SPATA25: variants seen among roughly 807,000 people sequenced by gnomAD.
The protein encoded by SPATA25 is spermatogenesis-associated protein 25.
A neutral mutation model predicts 16.0 loss-of-function variants in SPATA25; 16 were observed. The ratio of observed to expected loss-of-function variants is 1.00; its 90% confidence interval spans 0.68 to 1.52. The LOEUF (loss-of-function observed/expected upper bound fraction) is 1.52. Among genes scored for constraint, SPATA25 ranks in the 40% most tolerant of loss-of-function variants. The probability of loss-of-function intolerance (pLI) is 0.00; values close to 1 mark genes in which losing one functional copy is unlikely to be tolerated. For missense variants in SPATA25, 285 were observed against 289.2 expected, an observed-to-expected ratio of 0.99 and a Z score of 0.11; for synonymous variants, 115 against 118.5, an observed-to-expected ratio of 0.97 and a Z score of 0.19.
upstream of SPATA25, among the ~76,000 whole-genome samples, chr20:45,889,544 G>A (rs112603940): frequency 0.011 from 1,733 of 151,922 alleles, 43 homozygotes; most frequent in African/African-American, 0.04. Flanking sequence ...GTACAGATGG[G>A]GTCTCACTTT....
chr20:45,890,815 C>T (rs372809337), upstream of SPATA25: 13 of 1,575,994 alleles, frequency 8.2e-6, no homozygotes, highest in African/African-American at 1.8e-4. Context: ...CCGGGGCCAG[C>T]GGCTCGCGGC....
chr20:45,890,474 T>C, upstream of SPATA25: 1 of 1,600,772 alleles, frequency 6.2e-7, no homozygotes, highest in Non-Finnish European at 8.5e-7. Context: ...ATAGAGCTGG[T>C]CCAAGAGATG....
chr20:45,890,084 G>T, upstream of SPATA25: 2 of 710,260 alleles, frequency 2.8e-6, no homozygotes, highest in Non-Finnish European at 4.7e-6. Flanking sequence ...CCAAAACCAT[G>T]TAGAGGCTTG....
chr20:45,890,688 G>T (rs1326845492), upstream of SPATA25: 1 of 1,613,756 alleles, frequency 6.2e-7, no homozygotes, highest in South Asian at 1.1e-5. Flanking sequence ...ACCAGATCGG[G>T]CAGAGAAAAC....
upstream of SPATA25, chr20:45,888,897 G>A (rs758354963): frequency 1.2e-6 from 2 of 1,613,640 alleles, no homozygotes; most frequent in South Asian, 2.2e-5. Context: ...ACTGTGAAAG[G>A]CAAACTGAAC....
upstream of SPATA25, chr20:45,890,277 C>A: frequency 1.2e-6 from 2 of 1,613,766 alleles, no homozygotes; most frequent in South Asian, 1.1e-5. Flanking sequence ...ACAAGGCGCA[C>A]GCTCTTTGTG....
In SPATA25 at chr20:45,886,498, C is replaced by G; in HGVS notation, c.*19G>C. 2 of 1,546,054 alleles carry G rather than the reference C, an allele frequency of 1.3e-6. No homozygotes were observed. Among genetic ancestry groups the G allele is most frequent in the East Asian group, 2.3e-5 (1 of 44,114 alleles). ...CATACGGAGAAACCACCCTACATAT[C>G]TGGTGCTATTTCATCCATCTACAAG... On this transcript the variant is annotated 3_prime_UTR_variant, in exon 2 of 2. Coordinates refer to ENST00000372519, the MANE Select transcript of SPATA25 (RefSeq NM_080608.4).
upstream of SPATA25, chr20:45,890,553 G>A: frequency 6.2e-7 from 1 of 1,611,532 alleles, no homozygotes; most frequent in Non-Finnish European, 8.5e-7. Flanking sequence ...TCAATGCGCA[G>A]ATATGGTTCC....
At position 45,886,803 on chromosome 20, in the gene SPATA25, C is replaced by A; in HGVS notation, c.398G>T (p.Arg133Leu). 11 of 1,613,926 alleles carry A rather than the reference C, an allele frequency of 6.8e-6. No homozygotes were observed. Among genetic ancestry groups the A allele is most frequent in the Non-Finnish European group, 9.3e-6 (11 of 1,180,040 alleles). The change falls in exon 2 of 2, where the codon CGG (arginine) becomes CTG (leucine). Residue 133 changes from arginine (R) to leucine (L), a missense_variant. Physicochemically the swap from Arg to Leu is moderately radical, Grantham distance 102 (BLOSUM62 -2). Coordinates refer to ENST00000372519, the MANE Select transcript of SPATA25 (RefSeq NM_080608.4). ...TGCCTCAGAGGGTACCGGTAGAACC[C>A]GTGGTGACAGCCCACACAGCATCAG... The part of the protein sequence containing the change: ...RPLMLCGLSP[R>L]VLPVPSEAVG...
Position 45,886,940 on chromosome 20 carries a change from G to T in SPATA25, c.261C>A (p.Ser87Arg). 6.2e-7 allele frequency: 1 copy of T among 1,614,088 alleles called. No homozygotes were observed. The highest frequency in any genetic ancestry group is 8.5e-7 in the Non-Finnish European group (1 of 1,180,034). Residue 87 changes from serine to arginine, a missense_variant, in exon 2 of 2, where the codon AGC becomes AGA. Transcript: ENST00000372519. ...TSWETLRKEY[S>R]RNCHKFPHVR... is the part of the protein sequence containing the mutation. ...CATGCGGGAATTTGTGGCAGTTTCG[G>T]CTGTATTCCTTCCGTAGTGTCTCCC...
chr20:45,887,459 C>T, intron 1 of SPATA25, 77 bp downstream of exon 1: 1 of 1,439,012 alleles, frequency 6.9e-7, no homozygotes, highest in Non-Finnish European at 9.6e-7. Flanking sequence ...GCAGAACCGC[C>T]ACCTCCCCAG....
intron 1 of SPATA25, 149 bp from the exon 2 acceptor site, chr20:45,887,294 T>TC: frequency 5.0e-6 from 5 of 997,492 alleles, no homozygotes; most frequent in Non-Finnish European, 1.4e-6. Context: ...GTTACTCATA[T>TC]CCACACTCCC....
chr20:45,889,367 T>A (rs1224882988), upstream of SPATA25, among the ~76,000 whole-genome samples: 1 of 152,004 alleles, frequency 6.6e-6, no homozygotes, highest in Admixed American at 6.6e-5. Context: ...CTTTTTTTTT[T>A]TTTATTTAAA....
At chr20:45,890,348 G>A (rs747935206), upstream of SPATA25, 5 of 1,612,978 alleles carry the variant, frequency 3.1e-6, no homozygotes, top group Non-Finnish European at 3.4e-6. Flanking sequence ...CCGGGCGCTC[G>A]GGCCCATGTC....
At chr20:45,890,326 A>AG (rs773090786), upstream of SPATA25, 4 of 1,613,278 alleles carry the variant, frequency 2.5e-6, no homozygotes, top group Admixed American at 6.7e-5. Flanking sequence ...GGGGCTGCGC[A>AG]GCTGGCAGTC....
upstream of SPATA25, chr20:45,890,444 G>A: frequency 6.2e-7 from 1 of 1,608,704 alleles, no homozygotes; most frequent in Non-Finnish European, 8.5e-7. Flanking sequence ...GCGCGCGGTC[G>A]GAGGCAGCAC....
upstream of SPATA25, chr20:45,890,251 G>A (rs771479947): frequency 6.2e-7 from 1 of 1,613,860 alleles, no homozygotes; most frequent in Admixed American, 1.7e-5. Flanking sequence ...GATACCTACA[G>A]CCATACTCGA....
chr20:45,886,704 G>A lies in SPATA25; in HGVS notation c.497C>T (p.Thr166Ile), dbSNP rs1329284062. ...TTCCCGAACTCCTGGGACGGGCACGGTGGGGATGCCAGCGATCATCATGGC... is the reference window on the plus strand; with the variant it reads ...TTCCCGAACTCCTGGGACGGGCACGATGGGGATGCCAGCGATCATCATGGC... ...TLAMMIAGIP[T>I]VPVPGVREED... is the part of the protein sequence containing the mutation. Residue 166 changes from threonine to isoleucine, a missense_variant, in exon 2 of 2, where the codon ACC becomes ATC. By Grantham distance (89) the Thr-to-Ile change is moderately conservative. Coordinates refer to ENST00000372519, the MANE Select transcript of SPATA25 (RefSeq NM_080608.4). 1 of 1,614,174 alleles carries A rather than the reference G, an allele frequency of 6.2e-7. No homozygotes were observed. Among genetic ancestry groups the A allele is most frequent in the East Asian group, 2.2e-5 (1 of 44,880 alleles).
At chr20:45,890,275 C>T, upstream of SPATA25, 2 of 1,613,800 alleles carry the variant, frequency 1.2e-6, no homozygotes, top group Non-Finnish European at 1.7e-6. Context: ...GGACAAGGCG[C>T]ACGCTCTTTG....
Sources: allele counts gnomAD v4.1 joint callset (sites outside exome capture counted in the v4.1 genomes callset), GRCh38; gene constraint gnomAD v4.1.1; transcripts MANE v1.5; gene names NCBI Gene and HGNC (gene_info 2026-07-23, HGNC 2026-07-21).